The following FRMD6 variants were observed in gnomAD, a reference collection of about 807,000 sequenced individuals.
FRMD6 encodes the protein FERM domain containing 6.
A neutral mutation model predicts 73.2 loss-of-function variants in FRMD6; 37 were observed. The ratio of observed to expected loss-of-function variants is 0.51; its 90% CI spans 0.39 to 0.66. The LOEUF (loss-of-function observed/expected upper bound fraction) is 0.66. Ranked by LOEUF, FRMD6 falls within the 30% of genes least tolerant of loss-of-function variation. FRMD6 has a pLI of 0.00. For missense variants in FRMD6, 714 were observed against 780.5 expected (o/e 0.91, Z 1.02); for synonymous variants, 273 against 282.2 (o/e 0.97, Z 0.33).
intron 1 of FRMD6, among the ~76,000 whole-genome samples, chr14:51,496,001 T>C (rs1596493413): frequency 6.6e-6 from 1 of 152,240 alleles, no homozygotes; most frequent in East Asian, 1.9e-4. Context: ...CATTGGTCTG[T>C]GTGGCTGGAA....
intron 1 of FRMD6, among the ~76,000 whole-genome samples, chr14:51,564,032 G>A (rs1412413843): frequency 1.3e-5 from 2 of 152,152 alleles, no homozygotes; most frequent in African/African-American, 4.8e-5. Flanking sequence ...TTCTGGGTAT[G>A]CAGCTAGGTA....
chr14:51,540,293 C>G (rs1200663406), intron 1 of FRMD6, among the ~76,000 whole-genome samples: 1 of 152,014 alleles, frequency 6.6e-6, no homozygotes, highest in Non-Finnish European at 1.5e-5. Flanking sequence ...AGTTGTCAGG[C>G]CGGACAGAAG....
In FRMD6 at chr14:51,658,124, G is replaced by C. The variant is rs551415622; in HGVS notation, c.-147+6128G>C. On this transcript the variant is annotated intron_variant, in intron 1 of 13. Transcript: ENST00000344768. ...TCCCTACTATGTAGTCCAAGCAAGT[G>C]AGTCCATTGGGGGGCTCACTGCCTG... Among the ~76,000 whole-genome samples, 4 of 152,328 alleles carry C rather than the reference G, an allele frequency of 2.6e-5. No individual in the cohort carries two copies. The South Asian group carries it at 8.3e-4, about 32-fold the overall frequency.
intron 1 of FRMD6, among the ~76,000 whole-genome samples, chr14:51,564,041 T>A (rs1887638465): frequency 6.6e-6 from 1 of 152,204 alleles, no homozygotes; most frequent in Non-Finnish European, 1.5e-5. Flanking sequence ...TGCAGCTAGG[T>A]ACTGATTTCA....
chr14:51,444,840 A>G, the FRMD6 span, among the ~76,000 whole-genome samples: 2 of 152,166 alleles, frequency 1.3e-5, no homozygotes, highest in African/African-American at 4.8e-5. Flanking sequence ...GTTGGTGTCT[A>G]GAGAACCCAC....
intron 2 of FRMD6, among the ~76,000 whole-genome samples, chr14:51,585,960 T>TATATATATATATATATA (rs369811499): frequency 1.1e-5 from 1 of 91,326 alleles, no homozygotes; most frequent in African/African-American, 3.6e-5. Context: ...TATATATATA[T>TATATATATATATATATA]AACATTTTCT....
intron 1 of FRMD6, among the ~76,000 whole-genome samples, chr14:51,659,488 G>A (rs1238266746): frequency 6.6e-6 from 1 of 152,198 alleles, no homozygotes; most frequent in Non-Finnish European, 1.5e-5. Flanking sequence ...CTCAGTTACA[G>A]ATACTGGCAA....
At position 51,528,147 on chromosome 14, in the gene FRMD6, A is replaced by C. The variant is rs562328425; in HGVS notation, c.-210+38727A>C. Among the ~76,000 whole-genome samples the C allele has an allele frequency of 1.6e-4, 24 of 152,246 alleles. No individual in the cohort carries two copies. In the South Asian group the frequency reaches 4.8e-3, roughly 30 times the overall value. On this transcript the variant is annotated intron_variant, in intron 1 of 14. Coordinates refer to the FRMD6 transcript ENST00000356218. ...ACAGAGCAAGACGCTGTCTCAAAAAAACAACAAACAAACAAAACAAGAAAG... is the reference window on the plus strand; with the variant it reads ...ACAGAGCAAGACGCTGTCTCAAAAACACAACAAACAAACAAAACAAGAAAG...
At chr14:51,527,159 G>A (rs751704994) in intron 1 of FRMD6, among the ~76,000 whole-genome samples, 17 of 152,164 alleles carry the variant, frequency 1.1e-4, no homozygotes, top group Non-Finnish European at 2.4e-4. Context: ...TTGAAACTTC[G>A]GAAAGACTCT....
intron 1 of FRMD6, among the ~76,000 whole-genome samples, chr14:51,525,393 C>T (rs564610348): frequency 2.0e-4 from 31 of 152,108 alleles, no homozygotes; most frequent in African/African-American, 6.5e-4. Flanking sequence ...CTAAGCCTCC[C>T]GAGTAGCTGG....
At chr14:51,492,410 G>A (rs1012880292) in intron 1 of FRMD6, among the ~76,000 whole-genome samples, 26 of 152,026 alleles carry the variant, frequency 1.7e-4, no homozygotes, top group Admixed American at 6.6e-5. Context: ...TGTGGATCTT[G>A]TCTCACAAGA....
Position 51,688,459 on chromosome 14 carries a change from C to G in FRMD6, c.-146-1232C>G, listed in dbSNP as rs114728635. Reference sequence around the variant, plus strand: ...CCAAGTATCTAAGAATATATTCTTTCCCCTCCTGCTGATAAGAGTTATACA... The same window carrying G: ...CCAAGTATCTAAGAATATATTCTTTGCCCTCCTGCTGATAAGAGTTATACA... On this transcript the variant is annotated intron_variant, in intron 1 of 13. Transcript: ENST00000344768. 2.9e-3 allele frequency among the ~76,000 whole-genome samples: 434 copies of G among 152,036 alleles called. 1 individual carries two copies. The highest frequency in any genetic ancestry group is 9.7e-3 in the African/African-American group (402 of 41,464).
upstream of FRMD6, among the ~76,000 whole-genome samples, chr14:51,487,736 C>G (rs866524161): frequency 3.7e-4 from 56 of 152,314 alleles, no homozygotes; most frequent in African/African-American, 1.3e-3. Context: ...ACTTTGACAT[C>G]TCTCTGCTAT....
the FRMD6 span, among the ~76,000 whole-genome samples, chr14:51,429,370 T>C: frequency 6.6e-6 from 1 of 152,196 alleles, no homozygotes; most frequent in Admixed American, 6.5e-5. Flanking sequence ...CCCCAGGTGA[T>C]TCTAATGTGC....
At chr14:51,600,114 G>A (rs1408204609) in intron 2 of FRMD6, among the ~76,000 whole-genome samples, 1 of 151,800 alleles carries the variant, frequency 6.6e-6, no homozygotes, top group Non-Finnish European at 1.5e-5. Flanking sequence ...TAAAATTACA[G>A]CACTCTCACT....
intron 2 of FRMD6, among the ~76,000 whole-genome samples, chr14:51,583,687 C>A (rs1165868082): frequency 6.6e-6 from 1 of 152,206 alleles, no homozygotes; most frequent in East Asian, 1.9e-4. Flanking sequence ...GGATTTGACT[C>A]CAGGTGGTCT....
At chr14:51,706,852 G>A (rs1441816333) in intron 6 of FRMD6, among the ~76,000 whole-genome samples, 1 of 152,076 alleles carries the variant, frequency 6.6e-6, no homozygotes, top group Non-Finnish European at 1.5e-5. Flanking sequence ...TTCATATTGA[G>A]GTACTCAGTA....
chr14:51,602,955 A>G (rs1021915537), intron 2 of FRMD6, among the ~76,000 whole-genome samples: 1 of 152,194 alleles, frequency 6.6e-6, no homozygotes, highest in Admixed American at 6.5e-5. Flanking sequence ...CTATGGTCTA[A>G]ATATTTGCAT....
At position 51,728,020 on chromosome 14, in the gene FRMD6, T is replaced by C. The variant is rs774789012; in HGVS notation, c.1860T>C (p.Phe620=). ...TCACTCATGATGAAGTTCCAGAGTT[T>C]GTTGTGTAAAGTCCGTCTGTGTGCA... is the stretch of plus-strand genomic sequence containing the variant. The part of the protein sequence containing the change: ...LDLTHDEVPE[F]VV Residue 620 remains phenylalanine, a synonymous_variant, in exon 14 of 14, where the codon TTT becomes TTC. Transcript: ENST00000344768. The C allele has an allele frequency of 6.2e-7, 1 of 1,607,926 alleles. No homozygotes were observed. Among genetic ancestry groups the C allele is most frequent in the Non-Finnish European group, 8.5e-7 (1 of 1,174,942 alleles).
Sources: allele counts gnomAD v4.1 joint callset (sites outside exome capture counted in the v4.1 genomes callset), GRCh38; gene constraint gnomAD v4.1.1; transcripts MANE v1.5; gene names NCBI Gene and HGNC (gene_info 2026-07-23, HGNC 2026-07-21).